IL1RAPL2: variants seen among roughly 807,000 people sequenced by gnomAD.
IL1RAPL2 encodes the protein X-linked interleukin-1 receptor accessory protein-like 2.
IL1RAPL2 carries 3 observed loss-of-function variants against 44.1 expected under a neutral mutation model. That is an observed-to-expected ratio of 0.07 (90% CI 0.03 to 0.18). IL1RAPL2 has a LOEUF of 0.18. Among genes scored for constraint, IL1RAPL2 ranks in the 10% least tolerant of loss-of-function variants. The pLI is 1.00. For missense variants in IL1RAPL2, 391 were observed against 496.4 expected, an observed-to-expected ratio of 0.79 and a Z score of 2.02; for synonymous variants, 181 against 178.8, an observed-to-expected ratio of 1.01 and a Z score of -0.10.
chrX:105,451,279 A>G (rs2036018151), intron 5 of IL1RAPL2, among the ~76,000 whole-genome samples: 1 of 111,536 alleles, frequency 9.0e-6, no homozygotes, highest in Non-Finnish European at 1.9e-5. Flanking sequence ...AAACATCGCT[A>G]TCTCTTGACC....
intron 6 of IL1RAPL2, among the ~76,000 whole-genome samples, chrX:105,645,047 G>A (rs2037596321): frequency 1.8e-5 from 2 of 111,465 alleles, no homozygotes; most frequent in Non-Finnish European, 3.8e-5. Flanking sequence ...TTGCTATTGT[G>A]AACAGTGCCT....
rs776901376 is a variant in IL1RAPL2, at chrX:105,373,142, A to G, written c.697+105601A>G. On this transcript the variant is annotated intron_variant, in intron 5 of 10. Coordinates refer to ENST00000372582, the MANE Select transcript of IL1RAPL2 (RefSeq NM_017416.2). ...TAATTTACATTCCCACCAATGGTGT[A>G]TAAGCATTCCTTTTTCTTCATAATC... 2.7e-5 allele frequency among the ~76,000 whole-genome samples: 3 copies of G among 112,765 alleles called. No homozygotes were observed. In the East Asian group the frequency reaches 8.4e-4, roughly 32 times the overall value.
chrX:104,576,502 C>T, intron 1 of IL1RAPL2, among the ~76,000 whole-genome samples: 1 of 111,210 alleles, frequency 9.0e-6, no homozygotes, highest in Non-Finnish European at 1.9e-5. Context: ...GGCGTTGTAC[C>T]ATAGGATATA....
At chrX:104,923,260 C>T (rs1406338023) in intron 2 of IL1RAPL2, among the ~76,000 whole-genome samples, 1 of 111,497 alleles carries the variant, frequency 9.0e-6, no homozygotes, top group Non-Finnish European at 1.9e-5. Context: ...GGAAAAATTC[C>T]CTGATCTTCC....
chrX:105,367,955 TTGTC>T (rs1463160830), intron 5 of IL1RAPL2, among the ~76,000 whole-genome samples: 2 of 111,103 alleles, frequency 1.8e-5, no homozygotes, highest in Non-Finnish European at 3.8e-5. Context: ...TAGCTTTTGA[TTGTC>T]TGAGAAAGTT....
chrX:105,116,214 G>A (rs932908581), intron 2 of IL1RAPL2, among the ~76,000 whole-genome samples: 4 of 112,738 alleles, frequency 3.5e-5, no homozygotes, highest in African/African-American at 1.3e-4. Context: ...CACTGAGGCC[G>A]AGGAGGCACC....
intron 2 of IL1RAPL2, among the ~76,000 whole-genome samples, chrX:105,158,363 A>C (rs1262560003): frequency 2.7e-5 from 3 of 110,895 alleles, no homozygotes; most frequent in Non-Finnish European, 5.7e-5. Flanking sequence ...CGTCTCAAAA[A>C]AAAAAGAAAA....
intron 2 of IL1RAPL2, among the ~76,000 whole-genome samples, chrX:104,983,555 C>T (rs2030494661): frequency 1.1e-5 from 1 of 89,605 alleles, no homozygotes; most frequent in African/African-American, 4.2e-5. Context: ...ATATTATAGA[C>T]ATATTATATA....
intron 7 of IL1RAPL2, among the ~76,000 whole-genome samples, chrX:105,728,239 A>T (rs1207235899): frequency 9.0e-6 from 1 of 111,571 alleles, no homozygotes; most frequent in Non-Finnish European, 1.9e-5. Context: ...TGTCTCCGAA[A>T]TGTTGCCTTC....
chrX:104,817,752 T>C (rs979335350), intron 2 of IL1RAPL2, among the ~76,000 whole-genome samples: 2 of 112,080 alleles, frequency 1.8e-5, no homozygotes, highest in Non-Finnish European at 3.8e-5. Flanking sequence ...GTATGAAGAT[T>C]AAATGAATAC....
intron 2 of IL1RAPL2, among the ~76,000 whole-genome samples, chrX:104,715,343 T>C (rs1931537437): frequency 9.3e-6 from 1 of 107,979 alleles, no homozygotes; most frequent in South Asian, 4.1e-4. Flanking sequence ...TTGTCATTTC[T>C]GATTGTGTTT....
At chrX:105,670,815 C>T (rs1302046502) in intron 6 of IL1RAPL2, among the ~76,000 whole-genome samples, 2 of 108,377 alleles carry the variant, frequency 1.8e-5, no homozygotes, top group Non-Finnish European at 1.9e-5. Context: ...GTTAGATTTA[C>T]ACCTAAGTAC....
At chrX:105,281,259 A>G (rs1053028651) in intron 5 of IL1RAPL2, among the ~76,000 whole-genome samples, 2 of 110,226 alleles carry the variant, frequency 1.8e-5, no homozygotes, top group African/African-American at 6.6e-5. Context: ...AACATCACAC[A>G]CCGGGGACTT....
intron 5 of IL1RAPL2, among the ~76,000 whole-genome samples, chrX:105,452,614 A>G (rs772522519): frequency 9.0e-6 from 1 of 111,596 alleles, no homozygotes; most frequent in Admixed American, 9.5e-5. Context: ...ATTGGGCTCT[A>G]TCTTTGTTGC....
chrX:105,173,728 C>CT (rs371654989), intron 2 of IL1RAPL2, among the ~76,000 whole-genome samples: 5,956 of 99,187 alleles, frequency 0.06, 477 homozygotes, highest in African/African-American at 0.2. Flanking sequence ...ACTGCTGCTT[C>CT]TTTTTTTTTT....
At chrX:104,966,896 A>G (rs961439115) in intron 2 of IL1RAPL2, among the ~76,000 whole-genome samples, 1 of 112,394 alleles carries the variant, frequency 8.9e-6, no homozygotes, top group Admixed American at 9.4e-5. Flanking sequence ...TGTGAATGTC[A>G]TGTCTTTTTC....
chrX:105,279,144 A>G (rs17003891), intron 5 of IL1RAPL2, among the ~76,000 whole-genome samples: 7,151 of 110,448 alleles, frequency 0.065, 559 homozygotes, highest in African/African-American at 0.22. Flanking sequence ...TCCCTATACA[A>G]AGCTTTGCCT....
intron 2 of IL1RAPL2, among the ~76,000 whole-genome samples, chrX:105,172,964 T>C (rs1471512071): frequency 9.0e-6 from 1 of 110,924 alleles, no homozygotes; most frequent in Non-Finnish European, 1.9e-5. Flanking sequence ...GTTGGAGAGA[T>C]AGGCGTAGGG....
chrX:105,692,158 C>G (rs2038040442), intron 6 of IL1RAPL2, among the ~76,000 whole-genome samples: 1 of 111,798 alleles, frequency 8.9e-6, no homozygotes, highest in South Asian at 3.7e-4. Flanking sequence ...GTAGAGTTAA[C>G]AAACATCACC....
Sources: allele counts gnomAD v4.1 joint callset (sites outside exome capture counted in the v4.1 genomes callset), GRCh38; gene constraint gnomAD v4.1.1; transcripts MANE v1.5; gene names NCBI Gene and HGNC (gene_info 2026-07-23, HGNC 2026-07-21).